Variants in ZNF695 observed in about 807,000 individuals in gnomAD.
The protein encoded by ZNF695 is zinc finger protein 695, also known as zinc finger protein SBZF3.
ZNF695 carries 11 observed loss-of-function variants against 11.2 expected under a neutral mutation model. That is an observed-to-expected ratio of 0.98 (90% CI 0.62 to 1.62). The LOEUF (loss-of-function observed/expected upper bound fraction) is 1.62. ZNF695 is among the 40% of genes most tolerant of loss of function. The pLI is 0.00. For synonymous variants in ZNF695, 190 were observed against 201.4 expected (o/e 0.94, Z 0.48); for missense variants, 559 against 590.5 (o/e 0.95, Z 0.55).
intron 1 of ZNF695, among the ~76,000 whole-genome samples, chr1:247,007,071 G>A (rs576952639): frequency 6.6e-6 from 1 of 152,250 alleles, no homozygotes; most frequent in Non-Finnish European, 1.5e-5. Flanking sequence ...ATTAAACGTG[G>A]TTGCTTCCTC....
rs754372740 is a variant in ZNF695 at position 246,996,000 on chromosome 1, G to A, written c.259+3348C>T. ...CAACATTATTCACAAAAGCTGATAG[G>A]GGAAAACAACCCAAACTTACCTCAC... On this transcript the variant is annotated intron_variant, in intron 3 of 3. Coordinates refer to ENST00000339986, the MANE Select transcript of ZNF695 (RefSeq NM_020394.5). 1.8e-5 allele frequency: 8 copies of A among 452,804 alleles called. No individual in the cohort carries two copies. In the Admixed American group the frequency reaches 1.9e-4, roughly 11 times the overall value. The allele number at this position is 452,804 out of a possible 1,614,324, so 28.0% of individuals were successfully genotyped here.
intron 4 of ZNF695, among the ~76,000 whole-genome samples, chr1:246,975,232 C>T (rs1454580401): frequency 8.5e-5 from 13 of 152,086 alleles, no homozygotes; most frequent in South Asian, 2.1e-4. Flanking sequence ...TCCATGAATA[C>T]GTACTGCATT....
At chr1:246,955,472 T>C (rs1558302984) in intron 5 of ZNF695, among the ~76,000 whole-genome samples, 1 of 152,216 alleles carries the variant, frequency 6.6e-6, no homozygotes, top group East Asian at 1.9e-4. Flanking sequence ...TGTGTATAAG[T>C]AATTTTATTT....
chr1:246,964,221 C>A (rs1331319062), intron 5 of ZNF695, among the ~76,000 whole-genome samples: 1 of 152,124 alleles, frequency 6.6e-6, no homozygotes, highest in African/African-American at 2.4e-5. Flanking sequence ...ATCACATAGG[C>A]ACCACCAATT....
chr1:246,994,467 GGAGGCAGAGGTTGCAGT>G (rs1272366713), intron 3 of ZNF695, among the ~76,000 whole-genome samples: 1 of 151,906 alleles, frequency 6.6e-6, no homozygotes, highest in East Asian at 1.9e-4. Flanking sequence ...CTTGAGCCTG[GGAGGCAGAGGTTGCAGT>G]GAGCCGAGAT....
intron 4 of ZNF695, among the ~76,000 whole-genome samples, chr1:246,978,012 G>A (rs141769038): frequency 1.1e-4 from 16 of 152,322 alleles, no homozygotes; most frequent in African/African-American, 3.6e-4. Context: ...TTTTAATTCA[G>A]AGAAGGCCAA....
chr1:246,990,008 AGAAAGGGAGAAAGGG>A (rs200045914), intron 3 of ZNF695, among the ~76,000 whole-genome samples: 10,085 of 55,188 alleles, frequency 0.18, 458 homozygotes, highest in East Asian at 0.52. Context: ...CTTGAAAGGG[AGAAAGGGAGAAAGGG>A]GAAAGGGAAA....
chr1:246,962,133 A>T (rs1452945208), intron 5 of ZNF695, among the ~76,000 whole-genome samples: 2 of 152,262 alleles, frequency 1.3e-5, no homozygotes, highest in Non-Finnish European at 2.9e-5. Context: ...AACAAATTAA[A>T]GCAATGTTTA....
chr1:246,988,962 C>T (rs1315119259), intron 3 of ZNF695, among the ~76,000 whole-genome samples: 1 of 152,116 alleles, frequency 6.6e-6, no homozygotes, highest in African/African-American at 2.4e-5. Context: ...GGCGTGGTGG[C>T]AGGCGCCTGT....
intron 4 of ZNF695, among the ~76,000 whole-genome samples, chr1:246,972,110 C>G (rs1054729555): frequency 6.6e-6 from 1 of 152,218 alleles, no homozygotes. Flanking sequence ...TGCAGAGAAG[C>G]GCAACCATGC....
chr1:246,948,059 C>T (rs1667783331), intron 5 of ZNF695, among the ~76,000 whole-genome samples: 1 of 151,968 alleles, frequency 6.6e-6, no homozygotes, highest in South Asian at 2.1e-4. Flanking sequence ...CGATGAGTGA[C>T]GTCGTTGACC....
intron 3 of ZNF695, among the ~76,000 whole-genome samples, chr1:246,998,025 C>T (rs1206753223): frequency 2.0e-5 from 3 of 152,160 alleles, no homozygotes; most frequent in Non-Finnish European, 2.9e-5. Context: ...TGCGTTAACA[C>T]AGCAGACAAG....
intron 3 of ZNF695, among the ~76,000 whole-genome samples, chr1:246,993,552 G>C (rs536886013): frequency 2.6e-5 from 4 of 152,252 alleles, no homozygotes; most frequent in African/African-American, 9.6e-5. Context: ...TATAAAGATT[G>C]AAACAGGTGG....
At chr1:246,945,601 G>GA, downstream of ZNF695, 1 of 580,588 alleles carries the variant, frequency 1.7e-6, no homozygotes. Flanking sequence ...AATGAAAAGG[G>GA]AAAAAAAGAG....
At chr1:246,966,256 A>ACTT (rs997852575) in intron 5 of ZNF695, among the ~76,000 whole-genome samples, 25 of 152,270 alleles carry the variant, frequency 1.6e-4, no homozygotes, top group African/African-American at 6.0e-4. Context: ...TGGGAGGCCA[A>ACTT]GGCAGGCGCA....
intron 5 of ZNF695, chr1:246,966,851 C>A (rs1394383721): frequency 2.2e-6 from 1 of 456,620 alleles, no homozygotes; most frequent in Non-Finnish European, 4.4e-6. Context: ...AGGTTTTACT[C>A]TAAGTGAGAT....
chr1:246,978,219 C>G (rs947128315), intron 4 of ZNF695, among the ~76,000 whole-genome samples: 1 of 152,156 alleles, frequency 6.6e-6, no homozygotes, highest in Non-Finnish European at 1.5e-5. Flanking sequence ...AAAAAACCCT[C>G]AAATTCAGAA....
intron 3 of ZNF695, among the ~76,000 whole-genome samples, chr1:246,995,708 A>G (rs1451121846): frequency 3.3e-5 from 5 of 149,878 alleles, no homozygotes; most frequent in Admixed American, 1.3e-4. Context: ...TCAGCTACTC[A>G]GGAGGCTGAG....
intron 4 of ZNF695, among the ~76,000 whole-genome samples, chr1:246,974,253 G>A (rs1385611614): frequency 6.6e-6 from 1 of 152,092 alleles, no homozygotes; most frequent in African/African-American, 2.4e-5. Context: ...GAACTATGCT[G>A]CAGGAGCACC....
Sources: allele counts gnomAD v4.1 joint callset (sites outside exome capture counted in the v4.1 genomes callset), GRCh38; gene constraint gnomAD v4.1.1; transcripts MANE v1.5; gene names NCBI Gene and HGNC (gene_info 2026-07-23, HGNC 2026-07-21).